The following RALGAPA1 variants were observed in gnomAD, a reference collection of about 807,000 sequenced individuals.
RALGAPA1 encodes Ral GTPase activating protein catalytic subunit alpha 1, also known as ral GTPase-activating protein subunit alpha-1.
A neutral mutation model predicts 269.6 loss-of-function variants in RALGAPA1; 52 were observed. The ratio of observed to expected loss-of-function variants is 0.19; its 90% CI spans 0.15 to 0.24. The LOEUF (loss-of-function observed/expected upper bound fraction) is 0.24. RALGAPA1 is among the 10% of genes least tolerant of loss of function. The probability of loss-of-function intolerance (pLI) is 1.00; values close to 1 mark genes in which losing one functional copy is unlikely to be tolerated. For missense variants in RALGAPA1, 1,917 were observed against 3,013.9 expected, an observed-to-expected ratio of 0.64 and a Z score of 8.52; for synonymous variants, 817 against 1,008.3, an observed-to-expected ratio of 0.81 and a Z score of 3.60.
intron 37 of RALGAPA1, among the ~76,000 whole-genome samples, chr14:35,579,863 T>G (rs1421938523): frequency 6.6e-6 from 1 of 152,154 alleles, no homozygotes; most frequent in Non-Finnish European, 1.5e-5. Context: ...TAATCCTAAC[T>G]TCACTTTTAC....
chr14:35,561,251 A>T (rs73244836), intron 39 of RALGAPA1, among the ~76,000 whole-genome samples: 24,482 of 130,058 alleles, frequency 0.19, 4,093 homozygotes, highest in East Asian at 0.4. Context: ...AAAAAAAAAA[A>T]ATACAGTAAC....
chr14:35,666,003 C>T (rs188533151), intron 26 of RALGAPA1, among the ~76,000 whole-genome samples: 4 of 151,298 alleles, frequency 2.6e-5, no homozygotes, highest in East Asian at 3.9e-4. Context: ...AAGAATTGGA[C>T]TAGGTGTTTC....
At chr14:35,560,774 T>C (rs1318723983) in intron 39 of RALGAPA1, among the ~76,000 whole-genome samples, 1 of 152,202 alleles carries the variant, frequency 6.6e-6, no homozygotes, top group Non-Finnish European at 1.5e-5. Flanking sequence ...AGACTGTCTC[T>C]AGAGACCATT....
intron 13 of RALGAPA1, 72 bp downstream of exon 13, chr14:35,728,290 A>G (rs374534534): frequency 3.0e-6 from 4 of 1,312,618 alleles, no homozygotes; most frequent in Admixed American, 3.1e-5. Context: ...CACAGACACT[A>G]TTTCTCTAAA....
chr14:35,672,921 A>T lies in RALGAPA1; in HGVS notation c.5019T>A (p.Asp1673Glu). 1.9e-6 allele frequency: 3 copies of T among 1,573,166 alleles called. No individual in the cohort carries two copies. The highest frequency in any genetic ancestry group is 2.6e-6 in the Non-Finnish European group (3 of 1,160,398). The change falls in exon 25 of 42, where the codon GAT becomes GAA. Residue 1673 changes from aspartate to glutamate, a missense_variant. This residue lies in a region of RALGAPA1 where 73 missense variants were observed against 190.6 expected (regional missense o/e 0.38). Transcript: ENST00000680220. ...TTATATTGTAGAAATGTGTTAGAAA[A>T]TCTCTATTTGGAGAAACATCTTGTC... ...KRRQDVSPNR[D>E]FLTHFYNIMH...
intron 18 of RALGAPA1, among the ~76,000 whole-genome samples, chr14:35,687,181 A>G (rs2140421019): frequency 2.0e-5 from 3 of 152,342 alleles, no homozygotes; most frequent in Middle Eastern, 6.8e-3. Context: ...AAGAATAAAA[A>G]GTTGACTTCC....
At chr14:35,704,311 GT>G (rs1374150987) in intron 16 of RALGAPA1, among the ~76,000 whole-genome samples, 1 of 152,000 alleles carries the variant, frequency 6.6e-6, no homozygotes, top group Non-Finnish European at 1.5e-5. Context: ...TCTCTTATTT[GT>G]TAGCATAAGC....
At chr14:35,672,793 A>G in intron 25 of RALGAPA1, 74 bp downstream of exon 25, 6 of 1,347,324 alleles carry the variant, frequency 4.5e-6, no homozygotes, top group Non-Finnish European at 5.9e-6. Context: ...AAAAAGCAAG[A>G]GTTAAACAGA....
At chr14:35,699,895 C>CAAAA (rs34255458) in intron 17 of RALGAPA1, among the ~76,000 whole-genome samples, 4 of 76,344 alleles carry the variant, frequency 5.2e-5, no homozygotes, top group African/African-American at 7.6e-5. Flanking sequence ...AATCAAACAG[C>CAAAA]AAAAAAAAAA....
At chr14:35,719,781 T>A (rs1446985497) in intron 16 of RALGAPA1, among the ~76,000 whole-genome samples, 1 of 72,014 alleles carries the variant, frequency 1.4e-5, no homozygotes, top group South Asian at 5.8e-4. Context: ...CCTCTGTCGC[T>A]CCCTCTGTCG....
chr14:35,668,057 G>A (rs1373239523), intron 26 of RALGAPA1, among the ~76,000 whole-genome samples: 1 of 152,182 alleles, frequency 6.6e-6, no homozygotes, highest in Non-Finnish European at 1.5e-5. Context: ...AGCACAGAAA[G>A]ACAAATGCCA....
At chr14:35,774,765 A>C (rs533224325) in intron 3 of RALGAPA1, among the ~76,000 whole-genome samples, 7 of 152,304 alleles carry the variant, frequency 4.6e-5, no homozygotes, top group Non-Finnish European at 2.9e-5. Context: ...ACTGAATATC[A>C]TACCAATTTT....
At chr14:35,625,088 G>A (rs995933766) in intron 35 of RALGAPA1, among the ~76,000 whole-genome samples, 2 of 148,260 alleles carry the variant, frequency 1.3e-5, no homozygotes, top group East Asian at 2.0e-4. Context: ...CAGCTACTCC[G>A]GAGGCTGAGC....
At chr14:35,686,848 TTAAC>T (rs756285657) in intron 18 of RALGAPA1, among the ~76,000 whole-genome samples, 182 bp from the exon 19 acceptor site, 2 of 152,344 alleles carry the variant, frequency 1.3e-5, no homozygotes, top group Non-Finnish European at 1.5e-5. Context: ...TTTACTTTAT[TTAAC>T]TAAGCAGATG....
At chr14:35,577,017 A>T (rs1414915335) in intron 37 of RALGAPA1, among the ~76,000 whole-genome samples, 1 of 152,176 alleles carries the variant, frequency 6.6e-6, no homozygotes, top group African/African-American at 2.4e-5. Flanking sequence ...GTTTTCCCTA[A>T]TCTAGTAATC....
chr14:35,614,730 A>G (rs1326214938), intron 35 of RALGAPA1, among the ~76,000 whole-genome samples: 7 of 152,206 alleles, frequency 4.6e-5, no homozygotes, highest in Non-Finnish European at 8.8e-5. Flanking sequence ...TCAAGATATT[A>G]AAATTTTAAT....
At chr14:35,783,879 C>A (rs961094398) in intron 1 of RALGAPA1, among the ~76,000 whole-genome samples, 1 of 152,112 alleles carries the variant, frequency 6.6e-6, no homozygotes, top group Non-Finnish European at 1.5e-5. Context: ...TTCTAACCCA[C>A]TATGATAGCT....
chr14:35,759,689 C>A (rs1199652942), intron 6 of RALGAPA1, among the ~76,000 whole-genome samples: 1 of 151,396 alleles, frequency 6.6e-6, no homozygotes, highest in African/African-American at 2.4e-5. Context: ...GCGGACCAAT[C>A]ACTTGAGGTC....
rs57664331 is a variant in RALGAPA1, at chr14:35,778,647, A to T, written c.107-2902T>A. ...TAACAAAATTAATTATTTTTACTTCATTATATTCAGTTCATACAATATGGA... is the reference window on the plus strand; with the variant it reads ...TAACAAAATTAATTATTTTTACTTCTTTATATTCAGTTCATACAATATGGA... On this transcript the variant is annotated intron_variant, in intron 1 of 41. Coordinates refer to ENST00000680220, the MANE Select transcript of RALGAPA1 (RefSeq NM_001346249.2). Among the ~76,000 whole-genome samples, 1,376 of 152,282 alleles carry T rather than the reference A, an allele frequency of 9.0e-3. 17 individuals are homozygous for T. The highest frequency in any genetic ancestry group is 0.031 in the African/African-American group (1,302 of 41,558).
Sources: allele counts gnomAD v4.1 joint callset (sites outside exome capture counted in the v4.1 genomes callset), GRCh38; gene constraint gnomAD v4.1.1; regional missense constraint gnomAD v4.1.1; transcripts MANE v1.5; gene names NCBI Gene and HGNC (gene_info 2026-07-23, HGNC 2026-07-21).